APP: variants seen among roughly 807,000 people sequenced by gnomAD.
The protein encoded by APP is amyloid beta precursor protein.
In APP, 31 loss-of-function variants were observed where a neutral mutation model predicts 101.4. The observed-to-expected ratio is 0.31, with a 90% confidence interval of 0.23 to 0.41. APP has a LOEUF of 0.41. Ranked by LOEUF, APP falls within the 10% of genes least tolerant of loss-of-function variation. APP has a pLI of 1.00. For missense variants in APP, 839 were observed against 1,003.7 expected, an observed-to-expected ratio of 0.84 and a Z score of 2.22; for synonymous variants, 366 against 364.4, an observed-to-expected ratio of 1.00 and a Z score of -0.05.
At chr21:25,890,389 C>T (rs931116590) in intron 17 of APP, among the ~76,000 whole-genome samples, 1 of 152,168 alleles carries the variant, frequency 6.6e-6, no homozygotes, top group Non-Finnish European at 1.5e-5. Context: ...GAGCCCATTT[C>T]CTTGGGGATA....
At chr21:25,909,119 C>T (rs567995886) in intron 14 of APP, among the ~76,000 whole-genome samples, 19 of 151,922 alleles carry the variant, frequency 1.3e-4, no homozygotes, top group African/African-American at 4.3e-4. Flanking sequence ...AAAAATTAGC[C>T]GGGCGTGGTG....
chr21:26,036,663 G>A (rs930148744), intron 5 of APP, among the ~76,000 whole-genome samples: 9 of 152,182 alleles, frequency 5.9e-5, no homozygotes, highest in Middle Eastern at 3.2e-3. Flanking sequence ...TTGAGACAGA[G>A]AATGGAACAT....
chr21:25,994,203 C>A (rs1020345367), intron 8 of APP, among the ~76,000 whole-genome samples: 1 of 152,152 alleles, frequency 6.6e-6, no homozygotes, highest in Non-Finnish European at 1.5e-5. Context: ...TTATTGTCTA[C>A]AAATACTATA....
chr21:26,137,764 A>C (rs1046338203), intron 1 of APP, among the ~76,000 whole-genome samples: 2 of 152,176 alleles, frequency 1.3e-5, no homozygotes, highest in Non-Finnish European at 2.9e-5. Flanking sequence ...CAAACAAACA[A>C]ACCTACTTAG....
intron 2 of APP, among the ~76,000 whole-genome samples, chr21:26,111,272 G>T (rs1345378420): frequency 6.6e-6 from 1 of 152,036 alleles, no homozygotes; most frequent in Non-Finnish European, 1.5e-5. Context: ...TAACATGATA[G>T]TCAAAAAGTA....
intron 2 of APP, among the ~76,000 whole-genome samples, chr21:26,096,802 G>A (rs1359672652): frequency 5.3e-5 from 8 of 152,044 alleles, no homozygotes; most frequent in Middle Eastern, 6.8e-3. Context: ...AAAACAGAAC[G>A]TAACAAAAAA....
intron 1 of APP, among the ~76,000 whole-genome samples, chr21:26,137,579 C>T (rs2062948647): frequency 6.6e-6 from 1 of 152,196 alleles, no homozygotes; most frequent in South Asian, 2.1e-4. Context: ...AGAGCTCTTT[C>T]CTCACTGGGA....
At position 25,955,548 on chromosome 21, in the gene APP, G is replaced by C. The variant is rs2251337; in HGVS notation, c.1587+79C>G. ...ACACCTATAGGTGCTCGGAGAATGC[G>C]TGGGATCCTGTCACCAACCCAAGAA... is the stretch of plus-strand genomic sequence containing the variant. On this transcript the variant is annotated intron_variant, in intron 12 of 17. Coordinates refer to ENST00000346798, the MANE Select transcript of APP (RefSeq NM_000484.4). The C allele has an allele frequency of 0.91, 1,459,542 of 1,605,832 alleles. 666,180 individuals carry two copies. Among genetic ancestry groups the C allele is most frequent in the Non-Finnish European group, 0.93 (1,095,173 of 1,173,976 alleles).
At chr21:26,149,261 A>T (rs991975543) in intron 1 of APP, among the ~76,000 whole-genome samples, 5 of 152,234 alleles carry the variant, frequency 3.3e-5, no homozygotes, top group Non-Finnish European at 7.3e-5. Flanking sequence ...AAGAGTAAAG[A>T]CAATGAAAAC....
chr21:26,029,683 A>C (rs535218935), intron 5 of APP, among the ~76,000 whole-genome samples: 1 of 152,296 alleles, frequency 6.6e-6, no homozygotes, highest in Admixed American at 6.5e-5. Context: ...AAGAATGGCA[A>C]GTCAGCAGTG....
At chr21:26,059,524 C>A (rs187406669) in intron 3 of APP, among the ~76,000 whole-genome samples, 8 of 152,292 alleles carry the variant, frequency 5.3e-5, no homozygotes, top group Non-Finnish European at 1.0e-4. Context: ...CCACCACCCT[C>A]AATACTTCAC....
chr21:25,895,319 C>A (rs894028298), intron 16 of APP, among the ~76,000 whole-genome samples: 1 of 151,974 alleles, frequency 6.6e-6, no homozygotes, highest in Non-Finnish European at 1.5e-5. Flanking sequence ...GCACATGCCA[C>A]CATATGCAGC....
At chr21:26,170,506 G>C (rs1379965959) in intron 1 of APP, 58 bp downstream of exon 1, 7 of 1,511,816 alleles carry the variant, frequency 4.6e-6, no homozygotes, top group African/African-American at 1.4e-5. Flanking sequence ...TAAGGTCTTG[G>C]GGGGTATCGC....
chr21:25,899,802 A>C (rs1473053533), intron 15 of APP, among the ~76,000 whole-genome samples: 1 of 152,232 alleles, frequency 6.6e-6, no homozygotes, highest in Non-Finnish European at 1.5e-5. Context: ...CTACGTAGCA[A>C]TAGGTAACTA....
intron 5 of APP, among the ~76,000 whole-genome samples, chr21:26,036,192 T>C (rs1021843956): frequency 1.4e-5 from 2 of 145,178 alleles, no homozygotes; most frequent in Non-Finnish European, 3.0e-5. Context: ...ATAGCCAGTG[T>C]CAGGAATTTA....
chr21:25,962,750 G>C (rs2041634093), intron 11 of APP, among the ~76,000 whole-genome samples: 1 of 152,202 alleles, frequency 6.6e-6, no homozygotes, highest in Non-Finnish European at 1.5e-5. Context: ...TGTTCTTATA[G>C]TTTGATGTCA....
chr21:26,118,207 C>T (rs1156618438), intron 1 of APP, among the ~76,000 whole-genome samples: 1 of 152,152 alleles, frequency 6.6e-6, no homozygotes, highest in Non-Finnish European at 1.5e-5. Context: ...TTGTTATTCA[C>T]TACTCGTGAA....
intron 3 of APP, among the ~76,000 whole-genome samples, chr21:26,071,192 C>T (rs1382318032): frequency 2.0e-5 from 3 of 152,140 alleles, no homozygotes; most frequent in African/African-American, 7.2e-5. Flanking sequence ...AGGCTTCAAA[C>T]ATCTTCAGAC....
chr21:25,982,415 C>T lies in APP; in HGVS notation c.1153G>A (p.Glu385Lys). The T allele has an allele frequency of 6.2e-7, 1 of 1,613,768 alleles. No homozygotes were observed. Among genetic ancestry groups the T allele is most frequent in the Non-Finnish European group, 8.5e-7 (1 of 1,179,816 alleles). ...TTCTGGAAATGGGCATGTTCATTCT[C>T]ATCCCCAGGTGTCTCGAGATACTTG... is the stretch of plus-strand genomic sequence containing the variant. ...VDKYLETPGD[E>K]NEHAHFQKAK... The change falls in exon 9 of 18, where the codon GAG (glutamate) becomes AAG (lysine). Residue 385 changes from glutamate to lysine, a missense_variant. Physicochemically the swap from Glu to Lys is moderately conservative, Grantham distance 56 (BLOSUM62 1). Transcript: ENST00000346798.
Sources: allele counts gnomAD v4.1 joint callset (sites outside exome capture counted in the v4.1 genomes callset), GRCh38; gene constraint gnomAD v4.1.1; transcripts MANE v1.5; gene names NCBI Gene and HGNC (gene_info 2026-07-23, HGNC 2026-07-21).